Variants in SLAMF1 observed in about 807,000 individuals in gnomAD.
SLAMF1 encodes the protein signaling lymphocytic activation molecule.
A neutral mutation model predicts 35.1 loss-of-function variants in SLAMF1; 18 were observed. The ratio of observed to expected loss-of-function variants is 0.51; its 90% CI spans 0.35 to 0.76. SLAMF1 has a LOEUF of 0.76. SLAMF1 is among the 30% of genes least tolerant of loss of function. The pLI is 0.01. For missense variants in SLAMF1, 392 were observed against 413.0 expected, an observed-to-expected ratio of 0.95 and a Z score of 0.44; for synonymous variants, 168 against 157.2, an observed-to-expected ratio of 1.07 and a Z score of -0.51.
At chr1:160,637,106 C>A (rs1322446395) in intron 2 of SLAMF1, 85 bp downstream of exon 2, 2 of 835,766 alleles carry the variant, frequency 2.4e-6, no homozygotes, top group Non-Finnish European at 4.0e-6. Flanking sequence ...TTCTGAATAC[C>A]CTTTGCTTTT....
chr1:160,622,202 A>G (rs1300882948), intron 4 of SLAMF1, among the ~76,000 whole-genome samples: 1 of 152,186 alleles, frequency 6.6e-6, no homozygotes, highest in Non-Finnish European at 1.5e-5. Flanking sequence ...CAGTGCAAGA[A>G]CAGGTTTTTA....
intron 5 of SLAMF1, among the ~76,000 whole-genome samples, chr1:160,616,813 A>T (rs1659322469): frequency 3.9e-5 from 6 of 152,234 alleles, no homozygotes; most frequent in Admixed American, 3.9e-4. Flanking sequence ...AGACACATCC[A>T]ACAGTAGGAC....
intron 3 of SLAMF1, among the ~76,000 whole-genome samples, chr1:160,624,915 A>G (rs1558007424): frequency 1.3e-5 from 2 of 152,230 alleles, no homozygotes; most frequent in South Asian, 2.1e-4. Flanking sequence ...TAAACAAGAC[A>G]TGTAGCTCAA....
intron 5 of SLAMF1, among the ~76,000 whole-genome samples, chr1:160,619,392 G>A (rs907136023): frequency 6.6e-6 from 1 of 152,022 alleles, no homozygotes; most frequent in Non-Finnish European, 1.5e-5. Context: ...CCTAAACTTG[G>A]ATCAGTCCAA....
chr1:160,637,183 A>G lies in SLAMF1; in HGVS notation c.415+8T>C, dbSNP rs763916096. 1 of 1,609,098 alleles carries G rather than the reference A, an allele frequency of 6.2e-7. No homozygotes were observed. Among genetic ancestry groups the G allele is most frequent in the Non-Finnish European group, 8.5e-7 (1 of 1,175,456 alleles). On this transcript the variant is annotated splice_region_variant and intron_variant, in intron 2 of 6. Transcript: ENST00000302035. ...TTTAGTGTGGACTGGGGAAGCCGCC[A>G]TTATTACCATAAAGCCTCAACTGCA... is the stretch of plus-strand genomic sequence containing the variant.
At chr1:160,640,853 G>A (rs1481402684) in intron 1 of SLAMF1, among the ~76,000 whole-genome samples, 1 of 152,142 alleles carries the variant, frequency 6.6e-6, no homozygotes, top group African/African-American at 2.4e-5. Flanking sequence ...TTAAAACAGA[G>A]TGCTCTCCCC....
At chr1:160,634,177 C>T (rs1348768363) in intron 3 of SLAMF1, among the ~76,000 whole-genome samples, 1 of 152,206 alleles carries the variant, frequency 6.6e-6, no homozygotes, top group East Asian at 1.9e-4. Flanking sequence ...GGAGAGATCA[C>T]ATATCATATT....
At chr1:160,639,302 T>C (rs1660619808) in intron 1 of SLAMF1, among the ~76,000 whole-genome samples, 1 of 152,142 alleles carries the variant, frequency 6.6e-6, no homozygotes, top group African/African-American at 2.4e-5. Flanking sequence ...CTCGGCTCAC[T>C]GCAACCTCTG....
At chr1:160,617,851 T>C (rs1462623849) in intron 5 of SLAMF1, among the ~76,000 whole-genome samples, 1 of 152,192 alleles carries the variant, frequency 6.6e-6, no homozygotes, top group Non-Finnish European at 1.5e-5. Context: ...GGTGGGCAGA[T>C]CACTTGAGGT....
chr1:160,628,836 C>T (rs1017070000), intron 3 of SLAMF1, among the ~76,000 whole-genome samples: 2 of 152,214 alleles, frequency 1.3e-5, no homozygotes, highest in African/African-American at 2.4e-5. Context: ...TTTACAATAA[C>T]AAGATGGAGC....
intron 1 of SLAMF1, among the ~76,000 whole-genome samples, chr1:160,645,113 A>G (rs1306066896): frequency 6.6e-6 from 1 of 152,230 alleles, no homozygotes; most frequent in Admixed American, 6.5e-5. Context: ...GAAATGAAAA[A>G]TTCACTTTAC....
intron 3 of SLAMF1, among the ~76,000 whole-genome samples, chr1:160,630,015 A>T (rs562150697): frequency 1.4e-4 from 21 of 152,320 alleles, no homozygotes; most frequent in African/African-American, 5.1e-4. Flanking sequence ...CTTTTCTTTC[A>T]CTGAGCTAAC....
At chr1:160,637,035 C>T (rs961895383) in intron 2 of SLAMF1, 156 bp downstream of exon 2, 3 of 609,414 alleles carry the variant, frequency 4.9e-6, no homozygotes, top group East Asian at 2.8e-5. Flanking sequence ...ACCTTTAAAA[C>T]GTCTTCCATG....
chr1:160,638,754 T>C (rs1410792589), intron 1 of SLAMF1, among the ~76,000 whole-genome samples: 2 of 152,200 alleles, frequency 1.3e-5, no homozygotes, highest in South Asian at 2.1e-4. Context: ...AAAGTTCTTA[T>C]CTTACTTGCT....
rs956939719 is a variant in SLAMF1, at chr1:160,608,394, G to C, written c.*2354C>G. ...AACAGCATTAGAGGGGAAACACGGG[G>C]AAAACTTATTGTTTTAAGTCTGAGG... On this transcript the variant is annotated 3_prime_UTR_variant, in exon 7 of 7. Coordinates refer to ENST00000302035, the MANE Select transcript of SLAMF1 (RefSeq NM_003037.5). 3.3e-5 allele frequency: 5 copies of C among 152,182 alleles called. No individual in the cohort carries two copies. Among genetic ancestry groups the C allele is most frequent in the Admixed American group, 6.5e-5 (1 of 15,282 alleles). 9.4% of individuals were successfully genotyped at this position (152,182 alleles called of 1,614,324 possible).
At chr1:160,627,665 G>A (rs1029373024) in intron 3 of SLAMF1, among the ~76,000 whole-genome samples, 4 of 152,194 alleles carry the variant, frequency 2.6e-5, no homozygotes, top group Non-Finnish European at 5.9e-5. Context: ...TGAAAAAAGT[G>A]CTACTATTAC....
intron 5 of SLAMF1, 102 bp from the exon 6 acceptor site, chr1:160,612,682 A>G (rs546544617): frequency 1.0e-5 from 7 of 691,692 alleles, no homozygotes; most frequent in Middle Eastern, 3.1e-4. Flanking sequence ...TTGAGGCAGA[A>G]AGTTCCTTCC....
chr1:160,637,573 T>G, intron 1 of SLAMF1, 44 bp from the exon 2 acceptor site: 4 of 1,358,956 alleles, frequency 2.9e-6, no homozygotes, highest in Non-Finnish European at 4.1e-6. Context: ...TTAAGGCCTT[T>G]AGACAACATC....
At chr1:160,630,127 C>T (rs550029030) in intron 3 of SLAMF1, among the ~76,000 whole-genome samples, 1 of 152,292 alleles carries the variant, frequency 6.6e-6, no homozygotes, top group African/African-American at 2.4e-5. Context: ...CATTCTAGCA[C>T]AGCCATATCT....
Sources: gnomAD v4.1 joint callset for allele counts (sites outside exome capture counted in the v4.1 genomes callset) on GRCh38, gnomAD v4.1.1 for gene constraint, MANE v1.5 for transcripts, NCBI Gene and HGNC (gene_info 2026-07-23, HGNC 2026-07-21) for gene names.